Variants in UNC5D observed in about 807,000 individuals in gnomAD.
UNC5D encodes unc-5 netrin receptor D.
In UNC5D, 39 loss-of-function variants were observed where a neutral mutation model predicts 105.4. The observed-to-expected ratio is 0.37, with a 90% confidence interval of 0.29 to 0.48. The LOEUF (loss-of-function observed/expected upper bound fraction) is 0.48, where lower values mean the gene tolerates loss of function less well. Ranked by LOEUF, UNC5D falls within the 20% of genes least tolerant of loss-of-function variation. The pLI is 0.98. For synonymous variants in UNC5D, 452 were observed against 450.4 expected (o/e 1.00, Z -0.04); for missense variants, 991 against 1,202.4 (o/e 0.82, Z 2.60).
rs74496118 is a variant in UNC5D, at chr8:35,465,824, G to A, written c.104-83468G>A. ...CCCAGGGGTCCTTAAAAGTGAAAGA[G>A]GAAAGCAGAGGAGAGGAGTTAGAGG... On this transcript the variant is annotated intron_variant, in intron 1 of 16. Transcript: ENST00000404895. Among the ~76,000 whole-genome samples, 633 of 152,188 alleles carry A rather than the reference G, an allele frequency of 4.2e-3. 7 individuals carry two copies. The highest frequency in any genetic ancestry group is 0.015 in the African/African-American group (606 of 41,528).
At chr8:35,603,989 CTT>C in intron 4 of UNC5D, among the ~76,000 whole-genome samples, 1 of 152,312 alleles carries the variant, frequency 6.6e-6, no homozygotes, top group South Asian at 2.1e-4. Flanking sequence ...GGTCTTGACT[CTT>C]TATCCAGATT....
intron 4 of UNC5D, among the ~76,000 whole-genome samples, chr8:35,673,990 C>T (rs543236032): frequency 6.6e-6 from 1 of 152,116 alleles, no homozygotes; most frequent in Non-Finnish European, 1.5e-5. Context: ...ATGACCTATC[C>T]GTGGACAGTT....
chr8:35,268,474 C>A (rs1203919564), intron 1 of UNC5D, among the ~76,000 whole-genome samples: 1 of 152,000 alleles, frequency 6.6e-6, no homozygotes, highest in African/African-American at 2.4e-5. Context: ...TCCTTTATCA[C>A]CAAGTAAACC....
chr8:35,454,461 C>T (rs1394889764), intron 1 of UNC5D, among the ~76,000 whole-genome samples: 1 of 152,132 alleles, frequency 6.6e-6, no homozygotes, highest in East Asian at 1.9e-4. Flanking sequence ...CATAAATTTC[C>T]CTTTGTGAAG....
chr8:35,648,387 C>T (rs942859151), intron 4 of UNC5D, among the ~76,000 whole-genome samples: 2 of 151,970 alleles, frequency 1.3e-5, no homozygotes, highest in South Asian at 2.1e-4. Context: ...GAAATTAAAG[C>T]ATTATCTCTG....
chr8:35,621,681 G>A (rs1291397775), intron 4 of UNC5D, among the ~76,000 whole-genome samples: 2 of 152,092 alleles, frequency 1.3e-5, no homozygotes, highest in Admixed American at 6.5e-5. Flanking sequence ...GAACTGGTAG[G>A]TCAAAAATTC....
intron 11 of UNC5D, among the ~76,000 whole-genome samples, chr8:35,746,592 C>A (rs1283382813): frequency 3.3e-5 from 5 of 152,172 alleles, no homozygotes; most frequent in Non-Finnish European, 7.4e-5. Context: ...CTGCCTCTGA[C>A]TCCTAAAGCT....
intron 4 of UNC5D, among the ~76,000 whole-genome samples, chr8:35,661,122 G>T (rs905977536): frequency 2.6e-5 from 4 of 151,338 alleles, no homozygotes; most frequent in African/African-American, 4.9e-5. Context: ...AAAAAAAAAA[G>T]ACTTATAAAT....
At chr8:35,705,185 C>A (rs1380393274) in intron 7 of UNC5D, among the ~76,000 whole-genome samples, 1 of 152,066 alleles carries the variant, frequency 6.6e-6, no homozygotes, top group African/African-American at 2.4e-5. Flanking sequence ...AGGATGGTCT[C>A]GATCTCCTGA....
chr8:35,272,218 T>C (rs1387319786), intron 1 of UNC5D, among the ~76,000 whole-genome samples: 1 of 152,192 alleles, frequency 6.6e-6, no homozygotes, highest in African/African-American at 2.4e-5. Context: ...AAGTAACTAT[T>C]ACTTGAAGTA....
chr8:35,544,304 G>T, intron 1 of UNC5D: 2 of 1,371,914 alleles, frequency 1.5e-6, no homozygotes, highest in Non-Finnish European at 9.7e-7. Context: ...GTGAAGCTTG[G>T]AGTGCTGGCT....
At chr8:35,671,041 T>G (rs1218264585) in intron 4 of UNC5D, among the ~76,000 whole-genome samples, 2 of 152,148 alleles carry the variant, frequency 1.3e-5, no homozygotes, top group African/African-American at 4.8e-5. Flanking sequence ...ACCATCAATA[T>G]GTATAAAATG....
intron 1 of UNC5D, among the ~76,000 whole-genome samples, chr8:35,413,257 C>CTGTGTGTG (rs1183992855): frequency 6.9e-5 from 9 of 130,118 alleles, no homozygotes; most frequent in East Asian, 4.8e-4. Context: ...GGGGGCGGGT[C>CTGTGTGTG]TGTGTGTGTG....
rs556964203 is a variant in UNC5D, at chr8:35,466,939, A to G, written c.104-82353A>G. On this transcript the variant is annotated intron_variant, in intron 1 of 16. Transcript: ENST00000404895. ...TTTCTTTCTGCAAGAAGTGAGGAGA[A>G]AATGGGAAAATTGTACCACTTGCTG... Among the ~76,000 whole-genome samples, 9 of 152,310 alleles carry G rather than the reference A, an allele frequency of 5.9e-5. No homozygotes were observed. In the South Asian group the frequency reaches 1.9e-3, roughly 32 times the overall value.
chr8:35,493,434 A>T (rs565822772), intron 1 of UNC5D, among the ~76,000 whole-genome samples: 1 of 152,252 alleles, frequency 6.6e-6, no homozygotes, highest in South Asian at 2.1e-4. Flanking sequence ...GTGTGTTATG[A>T]AATGTTGTGT....
chr8:35,766,827 CT>C, intron 14 of UNC5D, 74 bp from the exon 15 acceptor site: 1 of 1,479,408 alleles, frequency 6.8e-7, no homozygotes, highest in Non-Finnish European at 9.1e-7. Context: ...ATCATCATCA[CT>C]ATTAAGTCTC....
At chr8:35,543,872 A>G (rs981858815) in intron 1 of UNC5D, among the ~76,000 whole-genome samples, 13 of 152,196 alleles carry the variant, frequency 8.5e-5, no homozygotes, top group African/African-American at 3.1e-4. Context: ...AGTGACTCAC[A>G]GATAATGTGT....
At chr8:35,384,829 CTG>C (rs1803281715) in intron 1 of UNC5D, among the ~76,000 whole-genome samples, 1 of 152,320 alleles carries the variant, frequency 6.6e-6, no homozygotes, top group South Asian at 2.1e-4. Flanking sequence ...ACTTTTACAT[CTG>C]TGAGTTGACA....
intron 4 of UNC5D, among the ~76,000 whole-genome samples, chr8:35,604,814 CT>C (rs1820164059): frequency 6.6e-6 from 1 of 152,112 alleles, no homozygotes; most frequent in Non-Finnish European, 1.5e-5. Context: ...TCACTGATAC[CT>C]TTTCTTCCAG....
Sources: allele counts gnomAD v4.1 joint callset (sites outside exome capture counted in the v4.1 genomes callset), GRCh38; gene constraint gnomAD v4.1.1; transcripts MANE v1.5; gene names NCBI Gene and HGNC (gene_info 2026-07-23, HGNC 2026-07-21).